The following SRD5A1 variants were observed in gnomAD, a reference collection of about 807,000 sequenced individuals.
SRD5A1 encodes the protein 3-oxo-5-alpha-steroid 4-dehydrogenase 1.
SRD5A1 carries 22 observed loss-of-function variants against 28.2 expected under a neutral mutation model. The ratio of observed to expected loss-of-function variants is 0.78; its 90% CI spans 0.56 to 1.12. SRD5A1 has a LOEUF of 1.12. Among genes scored for constraint, SRD5A1 ranks in the 50% most tolerant of loss-of-function variants. The pLI is 0.00. For missense variants in SRD5A1, 300 were observed against 346.7 expected (o/e 0.87, Z 1.07); for synonymous variants, 151 against 135.0 (o/e 1.12, Z -0.82).
intron 4 of SRD5A1, among the ~76,000 whole-genome samples, chr5:6,664,501 C>T (rs930419273): frequency 6.6e-6 from 1 of 152,126 alleles, no homozygotes; most frequent in African/African-American, 2.4e-5. Flanking sequence ...GCCTCCCAGG[C>T]TCAGGTGATC....
intron 2 of SRD5A1, among the ~76,000 whole-genome samples, chr5:6,653,284 G>T (rs1269449803): frequency 1.3e-5 from 2 of 152,160 alleles, no homozygotes; most frequent in Non-Finnish European, 2.9e-5. Flanking sequence ...AGGAGGGTTG[G>T]CTGAGAAGGC....
intron 3 of SRD5A1, among the ~76,000 whole-genome samples, chr5:6,659,137 G>A (rs1313218645): frequency 6.8e-6 from 1 of 146,436 alleles, no homozygotes; most frequent in Non-Finnish European, 1.5e-5. Flanking sequence ...TTTTTGAGAC[G>A]GGGTCTCGCT....
intron 2 of SRD5A1, among the ~76,000 whole-genome samples, chr5:6,654,434 TTTTG>T (rs112962033): frequency 1.4e-4 from 21 of 151,458 alleles, no homozygotes; most frequent in Non-Finnish European, 2.9e-4. Flanking sequence ...TAAGTTTTTT[TTTTG>T]TTTGTTTGTT....
chr5:6,651,082 G>T (rs1174845099), intron 1 of SRD5A1, among the ~76,000 whole-genome samples: 2 of 152,044 alleles, frequency 1.3e-5, no homozygotes, highest in Non-Finnish European at 2.9e-5. Context: ...TGAGCTGGGG[G>T]CAAGGAGTTG....
At position 6,668,288 on chromosome 5, in the gene SRD5A1, A is replaced by C; in HGVS notation, c.*20A>C. 1.4e-6 allele frequency: 2 copies of C among 1,444,986 alleles called. No homozygotes were observed. Among genetic ancestry groups the C allele is most frequent in the Non-Finnish European group, 1.9e-6 (2 of 1,041,492 alleles). 89.5% of individuals were successfully genotyped at this position (1,444,986 alleles called of 1,614,324 possible). Reference sequence around the variant, plus strand: ...TTTTAAGTGCGTTTTTCATGAAATTATCTTCAACTTGAAGCTTTCCAATGG... The same window carrying C: ...TTTTAAGTGCGTTTTTCATGAAATTCTCTTCAACTTGAAGCTTTCCAATGG... On this transcript the variant is annotated 3_prime_UTR_variant, in exon 5 of 5. Transcript: ENST00000274192.
chr5:6,658,585 C>G (rs1268379551), intron 3 of SRD5A1, among the ~76,000 whole-genome samples: 1 of 152,144 alleles, frequency 6.6e-6, no homozygotes, highest in African/African-American at 2.4e-5. Flanking sequence ...TTGGCTGTAA[C>G]TCTCAGGCAG....
chr5:6,638,378 T>C (rs1738264326), intron 1 of SRD5A1, among the ~76,000 whole-genome samples: 2 of 152,240 alleles, frequency 1.3e-5, no homozygotes, highest in African/African-American at 4.8e-5. Context: ...CCACAAGCAG[T>C]ATGAGCTCCA....
chr5:6,662,575 CTGTA>C (rs1433001788), intron 3 of SRD5A1, among the ~76,000 whole-genome samples: 2 of 152,350 alleles, frequency 1.3e-5, no homozygotes, highest in Non-Finnish European at 2.9e-5. Flanking sequence ...TCCACTGTAA[CTGTA>C]TGTGTGTGTA....
intron 2 of SRD5A1, among the ~76,000 whole-genome samples, chr5:6,654,991 A>G (rs1417006260): frequency 2.6e-5 from 4 of 152,232 alleles, no homozygotes; most frequent in African/African-American, 7.2e-5. Flanking sequence ...AAAACGTATT[A>G]TAAAACTTGG....
intron 2 of SRD5A1, among the ~76,000 whole-genome samples, chr5:6,654,796 C>G (rs924739787): frequency 6.6e-6 from 1 of 152,220 alleles, no homozygotes; most frequent in African/African-American, 2.4e-5. Context: ...TACTAGTTTT[C>G]TTCCAATCTA....
intron 1 of SRD5A1, chr5:6,644,804 AC>A (rs1370558791): frequency 6.5e-5 from 29 of 445,168 alleles, no homozygotes; most frequent in Non-Finnish European, 1.1e-4. Context: ...TGCTTGTTCC[AC>A]AGGAAATGTT....
At chr5:6,657,181 T>A (rs555691505) in intron 3 of SRD5A1, among the ~76,000 whole-genome samples, 54 of 152,328 alleles carry the variant, frequency 3.5e-4, no homozygotes, top group African/African-American at 1.3e-3. Context: ...CAAACAATGC[T>A]ACAAACCTCA....
At chr5:6,643,720 T>C (rs150342541) in intron 1 of SRD5A1, among the ~76,000 whole-genome samples, 1 of 152,324 alleles carries the variant, frequency 6.6e-6, no homozygotes, top group East Asian at 1.9e-4. Context: ...GTTGCTGCTG[T>C]TGATTAACTC....
rs1028888581 is a variant in SRD5A1 at position 6,673,770 on chromosome 5, T to C, written c.*5502T>C. On this transcript the variant is annotated 3_prime_UTR_variant, in exon 5 of 5. Coordinates refer to ENST00000274192, the MANE Select transcript of SRD5A1 (RefSeq NM_001047.4). ...CTATTCATACAATAGAATACTAGTG[T>C]CAGAGATTTTTTTTTAACAAAGAGC... The C allele has an allele frequency of 6.6e-6, 1 of 152,196 alleles. No individual in the cohort carries two copies. The highest frequency in any genetic ancestry group is 1.5e-5 in the Non-Finnish European group (1 of 68,042). The allele number at this position is 152,196 out of a possible 1,614,324, so 9.4% of individuals were successfully genotyped here. A position where few individuals can be genotyped will look rare whatever the true frequency, so the allele number is the denominator to read the frequency against.
At chr5:6,663,321 G>A (rs1739067627) in intron 4 of SRD5A1, among the ~76,000 whole-genome samples, 1 of 152,224 alleles carries the variant, frequency 6.6e-6, no homozygotes, top group Non-Finnish European at 1.5e-5. Context: ...TGCGAATGCT[G>A]CAGGTTGAGG....
Position 6,633,720 on chromosome 5 carries a change from C to A in SRD5A1, c.144C>A (p.Leu48=). The change falls in exon 1 of 5, where the codon CTC becomes CTA. Residue 48 remains leucine, a synonymous_variant. Transcript: ENST00000274192. ...YGRHALPSHR[L]RVPARAAWVV... Reference sequence around the variant, plus strand: ...GCCACGCGCTGCCCAGCCACAGGCTCCGAGTGCCGGCGCGGGCCGCCTGGG... The same window carrying A: ...GCCACGCGCTGCCCAGCCACAGGCTACGAGTGCCGGCGCGGGCCGCCTGGG... 1 of 1,594,090 alleles carries A rather than the reference C, an allele frequency of 6.3e-7. No homozygotes were observed. Among genetic ancestry groups the A allele is most frequent in the African/African-American group, 1.3e-5 (1 of 74,920 alleles).
intron 4 of SRD5A1, among the ~76,000 whole-genome samples, chr5:6,666,907 C>T (rs1739201340): frequency 1.3e-5 from 2 of 152,232 alleles, no homozygotes; most frequent in South Asian, 4.1e-4. Flanking sequence ...GTACTCTGCC[C>T]TTGCCTTTTC....
At chr5:6,666,204 G>A (rs1193836579) in intron 4 of SRD5A1, among the ~76,000 whole-genome samples, 2 of 151,966 alleles carry the variant, frequency 1.3e-5, no homozygotes, top group Admixed American at 1.3e-4. Flanking sequence ...CTGGAGTGCA[G>A]TGGCGCGATC....
chr5:6,639,617 T>G (rs1012723567), intron 1 of SRD5A1, among the ~76,000 whole-genome samples: 2 of 152,224 alleles, frequency 1.3e-5, no homozygotes, highest in African/African-American at 4.8e-5. Context: ...TCTTTTTCCT[T>G]AGATGGATAA....
Sources: gnomAD v4.1 joint callset for allele counts (sites outside exome capture counted in the v4.1 genomes callset) on GRCh38, gnomAD v4.1.1 for gene constraint, MANE v1.5 for transcripts, NCBI Gene and HGNC (gene_info 2026-07-23, HGNC 2026-07-21) for gene names.